The following SORCS3 variants were observed in gnomAD, a reference collection of about 807,000 sequenced individuals.
The protein encoded by SORCS3 is VPS10 domain-containing receptor SorCS3.
SORCS3 carries 57 observed loss-of-function variants against 146.3 expected under a neutral mutation model. That is an observed-to-expected ratio of 0.39 (90% CI 0.31 to 0.49). The LOEUF (loss-of-function observed/expected upper bound fraction) is 0.49. SORCS3 is among the 20% of genes least tolerant of loss of function. The probability of loss-of-function intolerance (pLI) is 0.92; values close to 1 mark genes in which losing one functional copy is unlikely to be tolerated. For missense variants in SORCS3, 1,341 were observed against 1,575.5 expected (o/e 0.85, Z 2.52); for synonymous variants, 653 against 618.5 (o/e 1.06, Z -0.83).
intron 19 of SORCS3, among the ~76,000 whole-genome samples, chr10:105,220,597 A>T (rs1589694558): frequency 6.6e-6 from 1 of 152,306 alleles, no homozygotes; most frequent in East Asian, 1.9e-4. Flanking sequence ...AGAAGCAGTG[A>T]CTTTGAAGGT....
intron 1 of SORCS3, among the ~76,000 whole-genome samples, chr10:104,740,039 T>C (rs1353709632): frequency 6.6e-6 from 1 of 152,192 alleles, no homozygotes. Flanking sequence ...CTTTTACAAA[T>C]GGGAAGAATT....
chr10:104,655,557 G>T (rs1278011626), intron 1 of SORCS3, among the ~76,000 whole-genome samples: 1 of 152,104 alleles, frequency 6.6e-6, no homozygotes, highest in Non-Finnish European at 1.5e-5. Flanking sequence ...AAAAACCACA[G>T]CAATAGCCAA....
intron 14 of SORCS3, among the ~76,000 whole-genome samples, chr10:105,193,527 ATTGAGGTGTACT>A (rs2056528534): frequency 6.6e-6 from 1 of 152,162 alleles, no homozygotes; most frequent in African/African-American, 2.4e-5. Flanking sequence ...TGATGTAGAC[ATTGAGGTGTACT>A]TTGAGGTAGA....
intron 1 of SORCS3, among the ~76,000 whole-genome samples, chr10:104,756,669 G>C (rs965994845): frequency 6.6e-6 from 1 of 152,202 alleles, no homozygotes; most frequent in Non-Finnish European, 1.5e-5. Flanking sequence ...ACCTGGAAGA[G>C]CATGCAGAAT....
rs1554890241 is a variant in SORCS3 at position 105,249,728 on chromosome 10, A to T, written c.3105+2397A>T. 3.4e-5 allele frequency among the ~76,000 whole-genome samples: 5 copies of T among 148,422 alleles called. No homozygotes were observed. The South Asian group carries it at 6.3e-4, about 19-fold the overall frequency. ...AAACTCCATCTCTACAAAAATAAAT[A>T]AAAAAAATTTATCCGGGCATGGTGG... On this transcript the variant is annotated intron_variant, in intron 22 of 26. Transcript: ENST00000369701.
intron 1 of SORCS3, among the ~76,000 whole-genome samples, chr10:104,730,616 C>G (rs2016694899): frequency 6.6e-6 from 1 of 152,210 alleles, no homozygotes; most frequent in Non-Finnish European, 1.5e-5. Flanking sequence ...TTAGTCTTTT[C>G]TCACGCTGCT....
chr10:104,858,644 C>T (rs1383708772), intron 2 of SORCS3, among the ~76,000 whole-genome samples: 25 of 144,260 alleles, frequency 1.7e-4, no homozygotes, highest in African/African-American at 2.8e-4. Flanking sequence ...TTTTTTGAGA[C>T]GGAGTCTCGC....
intron 20 of SORCS3, among the ~76,000 whole-genome samples, chr10:105,240,120 A>G (rs2056814292): frequency 2.0e-5 from 3 of 152,074 alleles, no homozygotes; most frequent in Admixed American, 2.0e-4. Context: ...GCATCCCTGC[A>G]CCCTTGCTGG....
intron 2 of SORCS3, among the ~76,000 whole-genome samples, chr10:104,883,988 A>G (rs191658634): frequency 1.9e-4 from 29 of 151,196 alleles, no homozygotes; most frequent in Non-Finnish European, 3.2e-4. Context: ...GGGGGGGGAA[A>G]GGGTCCTACC....
Position 105,223,097 on chromosome 10 carries a change from T to C in SORCS3, c.2735-19T>C, listed in dbSNP as rs1188488397. On this transcript the variant is annotated intron_variant, in intron 19 of 26. Coordinates refer to ENST00000369701, the MANE Select transcript of SORCS3 (RefSeq NM_014978.3). ...ACATCCAGAATATAAACACTGACTTTTTTTTTCTGTTTCCTTAGGTCCTGT... is the reference window on the plus strand; with the variant it reads ...ACATCCAGAATATAAACACTGACTTCTTTTTTCTGTTTCCTTAGGTCCTGT... 1.9e-6 allele frequency: 3 copies of C among 1,586,838 alleles called. No individual in the cohort carries two copies. The African/African-American group carries it at 4.0e-5, about 21-fold the overall frequency.
chr10:104,886,490 TA>T, intron 2 of SORCS3, among the ~76,000 whole-genome samples: 1 of 152,168 alleles, frequency 6.6e-6, no homozygotes, highest in South Asian at 2.1e-4. Flanking sequence ...ATATGTTATT[TA>T]TATGTATATA....
At chr10:105,032,179 T>C (rs2797811) in intron 4 of SORCS3, among the ~76,000 whole-genome samples, 76,282 of 151,822 alleles carry the variant, frequency 0.5, 21,212 homozygotes, top group African/African-American at 0.76. Context: ...GCAACAAGAG[T>C]GAAACTCCAT....
chr10:104,782,401 C>T (rs1192215428), intron 1 of SORCS3, among the ~76,000 whole-genome samples: 1 of 152,134 alleles, frequency 6.6e-6, no homozygotes, highest in Admixed American at 6.5e-5. Flanking sequence ...GGCTGTGTTG[C>T]TTCCTAGAGC....
intron 3 of SORCS3, among the ~76,000 whole-genome samples, chr10:104,922,361 G>T (rs1485213397): frequency 6.6e-6 from 1 of 152,168 alleles, no homozygotes; most frequent in African/African-American, 2.4e-5. Context: ...TGTTTTGAGG[G>T]AGGGAGTTTC....
intron 14 of SORCS3, 66 bp downstream of exon 14, chr10:105,178,239 T>G (rs1327388530): frequency 7.5e-7 from 1 of 1,329,804 alleles, no homozygotes; most frequent in African/African-American, 1.5e-5. Flanking sequence ...CATTGAGGCC[T>G]TGGATTTTTC....
chr10:105,243,730 A>C (rs1030806889), intron 20 of SORCS3, among the ~76,000 whole-genome samples: 6 of 152,220 alleles, frequency 3.9e-5, no homozygotes, highest in African/African-American at 1.4e-4. Flanking sequence ...CCAGATGCTT[A>C]GGACAGTATC....
chr10:104,642,492 C>T (rs1375206203), intron 1 of SORCS3, among the ~76,000 whole-genome samples: 3 of 151,660 alleles, frequency 2.0e-5, no homozygotes, highest in African/African-American at 7.3e-5. Flanking sequence ...GGCGCGCAGT[C>T]CTCCAGCCCA....
intron 20 of SORCS3, among the ~76,000 whole-genome samples, chr10:105,237,373 C>T (rs982419115): frequency 6.6e-6 from 1 of 152,084 alleles, no homozygotes; most frequent in African/African-American, 2.4e-5. Flanking sequence ...TAAAGAAAGG[C>T]GTAGAAAGTG....
chr10:104,654,174 TG>T (rs1465298278), intron 1 of SORCS3, among the ~76,000 whole-genome samples: 1 of 152,232 alleles, frequency 6.6e-6, no homozygotes, highest in Non-Finnish European at 1.5e-5. Context: ...ATTGTGTATA[TG>T]TACCACGTTT....
Sources: allele counts gnomAD v4.1 joint callset (sites outside exome capture counted in the v4.1 genomes callset), GRCh38; gene constraint gnomAD v4.1.1; transcripts MANE v1.5; gene names NCBI Gene and HGNC (gene_info 2026-07-23, HGNC 2026-07-21).